Variants in DAB1 observed in about 807,000 individuals in gnomAD.
The protein encoded by DAB1 is DAB adaptor protein 1, also known as disabled homolog 1.
Under a neutral mutation model 64.6 loss-of-function variants are expected in DAB1, and 15 were observed. That is an observed-to-expected ratio of 0.23 (90% CI 0.16 to 0.36). The LOEUF (loss-of-function observed/expected upper bound fraction) is 0.36, where lower values mean the gene tolerates loss of function less well. Among genes scored for constraint, DAB1 ranks in the 10% least tolerant of loss-of-function variants. DAB1 has a pLI of 1.00. For synonymous variants in DAB1, 235 were observed against 251.9 expected (o/e 0.93, Z 0.64); for missense variants, 596 against 706.7 (o/e 0.84, Z 1.78).
At chr1:57,123,417 A>T (rs776337401) in intron 4 of DAB1, among the ~76,000 whole-genome samples, 1 of 152,212 alleles carries the variant, frequency 6.6e-6, no homozygotes, top group South Asian at 2.1e-4. Flanking sequence ...GGACAGAGGC[A>T]TTCAAACTAA....
At chr1:57,118,985 A>T (rs1264728822) in intron 4 of DAB1, among the ~76,000 whole-genome samples, 2 of 152,218 alleles carry the variant, frequency 1.3e-5, no homozygotes, top group Non-Finnish European at 2.9e-5. Flanking sequence ...GTCAGTTACT[A>T]TTATGAATAT....
intron 3 of DAB1, among the ~76,000 whole-genome samples, chr1:58,479,517 G>A (rs1048715127): frequency 2.0e-5 from 3 of 152,142 alleles, no homozygotes; most frequent in Non-Finnish European, 4.4e-5. Context: ...CACAGGCAGG[G>A]GGAGAGGTTC....
intron 2 of DAB1, among the ~76,000 whole-genome samples, chr1:57,188,539 G>T (rs920106869): frequency 6.6e-6 from 1 of 152,094 alleles, no homozygotes; most frequent in Admixed American, 6.6e-5. Context: ...GCTGTCACTG[G>T]GATATTCTCA....
At chr1:57,040,455 C>T (rs1647615453) in intron 9 of DAB1, among the ~76,000 whole-genome samples, 1 of 152,144 alleles carries the variant, frequency 6.6e-6, no homozygotes, top group East Asian at 1.9e-4. Context: ...TTTACACACT[C>T]GTAGAAGCTT....
chr1:58,459,627 T>C (rs1344404041), intron 3 of DAB1, among the ~76,000 whole-genome samples: 1 of 152,266 alleles, frequency 6.6e-6, no homozygotes, highest in African/African-American at 2.4e-5. Context: ...CCAGTCTTTT[T>C]ATAATGTAAT....
intron 4 of DAB1, among the ~76,000 whole-genome samples, chr1:58,191,748 C>T (rs1657400385): frequency 6.6e-6 from 1 of 152,218 alleles, no homozygotes; most frequent in African/African-American, 2.4e-5. Context: ...CCTTTGCCTC[C>T]TAACTTGTCT....
intron 9 of DAB1, among the ~76,000 whole-genome samples, chr1:57,057,658 A>C (rs1570609378): frequency 1.4e-5 from 2 of 145,198 alleles, no homozygotes; most frequent in East Asian, 4.1e-4. Flanking sequence ...CCCAGGCTGG[A>C]GTGCAGTGGC....
upstream of DAB1, among the ~76,000 whole-genome samples, chr1:57,426,272 C>T (rs137855204): frequency 1.3e-5 from 2 of 152,280 alleles, no homozygotes; most frequent in African/African-American, 4.8e-5. Flanking sequence ...AAATACAAGA[C>T]TCTATCTCTG....
intron 5 of DAB1, 36 bp from the exon 6 acceptor site, chr1:57,071,677 A>G (rs1356002686): frequency 6.2e-6 from 10 of 1,604,338 alleles, no homozygotes; most frequent in South Asian, 1.1e-5. Context: ...TCATAAGGGA[A>G]TGGTACTGAG....
At chr1:57,080,626 T>C (rs948728634) in intron 4 of DAB1, among the ~76,000 whole-genome samples, 5 of 152,122 alleles carry the variant, frequency 3.3e-5, no homozygotes, top group Admixed American at 6.6e-5. Context: ...ATTCCAGACC[T>C]GTGAGTTGGG....
At chr1:57,982,716 T>C (rs1176951760) in intron 5 of DAB1, among the ~76,000 whole-genome samples, 1 of 152,244 alleles carries the variant, frequency 6.6e-6, no homozygotes, top group Non-Finnish European at 1.5e-5. Context: ...CTCATTTTTC[T>C]CCTTCCATTC....
At chr1:57,101,901 C>T (rs1654714756) in intron 4 of DAB1, among the ~76,000 whole-genome samples, 1 of 152,136 alleles carries the variant, frequency 6.6e-6, no homozygotes, top group African/African-American at 2.4e-5. Flanking sequence ...CAGATGAGGA[C>T]ACTGAGGCAT....
intron 7 of DAB1, among the ~76,000 whole-genome samples, chr1:57,579,308 T>A (rs1461834011): frequency 1.3e-5 from 2 of 152,194 alleles, no homozygotes; most frequent in Non-Finnish European, 2.9e-5. Context: ...GTGATAGACA[T>A]TGGGCTTTGA....
chr1:58,300,648 GGAAGGAAGGAAGGAAGGA>G (rs1377431838), intron 4 of DAB1, among the ~76,000 whole-genome samples: 7 of 51,824 alleles, frequency 1.4e-4, no homozygotes, highest in South Asian at 9.2e-4. Flanking sequence ...GAGAGAGAGA[GGAAGGAAGGAAGGAAGGA>G]AGGAAGGAAG....
At chr1:58,521,622 AAATAT>A (rs1646265995) in intron 2 of DAB1, among the ~76,000 whole-genome samples, 1 of 152,100 alleles carries the variant, frequency 6.6e-6, no homozygotes, top group Non-Finnish European at 1.5e-5. Flanking sequence ...TCAGACATTA[AAATAT>A]AATAAGAGTA....
At chr1:57,680,806 T>C (rs952872356) in intron 6 of DAB1, among the ~76,000 whole-genome samples, 5 of 152,230 alleles carry the variant, frequency 3.3e-5, no homozygotes, top group African/African-American at 4.8e-5. Context: ...CATGCGATAG[T>C]ACAGCAAGTC....
chr1:57,029,677 C>A (rs1646906879), intron 9 of DAB1, among the ~76,000 whole-genome samples: 1 of 152,192 alleles, frequency 6.6e-6, no homozygotes, highest in Admixed American at 6.5e-5. Context: ...GACCTGGTGT[C>A]AAACAAGATC....
chr1:57,494,400 C>T (rs1446364083), intron 7 of DAB1, among the ~76,000 whole-genome samples: 1 of 152,142 alleles, frequency 6.6e-6, no homozygotes, highest in African/African-American at 2.4e-5. Context: ...CAGCCATGGG[C>T]GACATTTAAA....
chr1:58,348,459 A>G (rs978837403), intron 3 of DAB1, among the ~76,000 whole-genome samples: 2 of 152,270 alleles, frequency 1.3e-5, no homozygotes, highest in Non-Finnish European at 2.9e-5. Context: ...TTGAGGTTTC[A>G]GTTTTCTTGA....
Sources: gnomAD v4.1 joint callset for allele counts (sites outside exome capture counted in the v4.1 genomes callset) on GRCh38, gnomAD v4.1.1 for gene constraint, MANE v1.5 for transcripts, NCBI Gene and HGNC (gene_info 2026-07-23, HGNC 2026-07-21) for gene names.